Variants in C12orf42 observed in about 807,000 individuals in gnomAD.
The protein encoded by C12orf42 is uncharacterized protein C12orf42.
A neutral mutation model predicts 21.6 loss-of-function variants in C12orf42; 25 were observed. The observed-to-expected ratio is 1.16, with a 90% CI of 0.84 to 1.62. The LOEUF is 1.62. Ranked by LOEUF, C12orf42 falls within the 40% of genes most tolerant of loss-of-function variation. The pLI, the probability that C12orf42 is intolerant of heterozygous loss-of-function variation, is 0.00. For synonymous variants in C12orf42, 174 were observed against 175.0 expected, an observed-to-expected ratio of 0.99 and a Z score of 0.05; for missense variants, 483 against 459.3, an observed-to-expected ratio of 1.05 and a Z score of -0.47.
rs367620314 is a variant in C12orf42, at chr12:103,349,838, T to C, written c.259+19049A>G. 3.9e-5 allele frequency among the ~76,000 whole-genome samples: 6 copies of C among 152,306 alleles called. No homozygotes were observed. The South Asian group carries it at 1.2e-3, about 32-fold the overall frequency. ...AACATATCAAGTAAATGTTCTTCTT[T>C]AAAATTTTACTTGAAAATGTCCAAA... On this transcript the variant is annotated intron_variant, in intron 4 of 5. Coordinates refer to ENST00000548883, the MANE Select transcript of C12orf42 (RefSeq NM_198521.5).
At chr12:103,399,658 CTGA>C (rs2047829152) in intron 3 of C12orf42, among the ~76,000 whole-genome samples, 1 of 102,262 alleles carries the variant, frequency 9.8e-6, no homozygotes, top group South Asian at 3.9e-4. Flanking sequence ...AATTATTTAT[CTGA>C]ATTATTTATC....
chr12:103,161,360 C>G, the C12orf42 span: 11 of 141,166 alleles, frequency 7.8e-5, no homozygotes, highest in South Asian at 2.5e-3. Context: ...GTGCCTAGCA[C>G]TAGTTCTGCA....
the C12orf42 span, chr12:103,155,137 C>T: frequency 2.0e-5 from 3 of 152,160 alleles, no homozygotes; most frequent in Admixed American, 6.6e-5. Flanking sequence ...ACTCATGGCC[C>T]CTTTCTTAGT....
chr12:103,229,133 G>T, the C12orf42 span, among the ~76,000 whole-genome samples: 2 of 151,922 alleles, frequency 1.3e-5, no homozygotes, highest in Non-Finnish European at 2.9e-5. Flanking sequence ...TTTCTCACTG[G>T]GATCAAAGTG....
chr12:103,225,957 G>A, the C12orf42 span, among the ~76,000 whole-genome samples: 66 of 152,316 alleles, frequency 4.3e-4, no homozygotes, highest in Admixed American at 7.8e-4. Context: ...CCGCTAAGCC[G>A]AGAAGATCTG....
chr12:103,250,314 C>G (rs1459493858), intron 10 of C12orf42, among the ~76,000 whole-genome samples: 1 of 152,032 alleles, frequency 6.6e-6, no homozygotes, highest in South Asian at 2.1e-4. Context: ...ATGTTGGCTC[C>G]TTTCCTATGT....
chr12:103,488,533 T>C (rs1565904305), intron 1 of C12orf42, among the ~76,000 whole-genome samples: 2 of 152,222 alleles, frequency 1.3e-5, no homozygotes, highest in Non-Finnish European at 2.9e-5. Flanking sequence ...CTGAACAATA[T>C]CCTGAAGAGT....
At chr12:103,320,266 C>T (rs2039956428) in intron 4 of C12orf42, among the ~76,000 whole-genome samples, 1 of 152,160 alleles carries the variant, frequency 6.6e-6, no homozygotes, top group Admixed American at 6.5e-5. Flanking sequence ...TTAGAATAAT[C>T]AGGCAACCCA....
chr12:103,118,054 T>C, the C12orf42 span, among the ~76,000 whole-genome samples: 1 of 152,084 alleles, frequency 6.6e-6, no homozygotes, highest in Non-Finnish European at 1.5e-5. Context: ...AGAGGAGGGG[T>C]ATGAATTTAT....
chr12:103,393,748 A>C (rs990513568), intron 3 of C12orf42, among the ~76,000 whole-genome samples: 1 of 152,210 alleles, frequency 6.6e-6, no homozygotes, highest in Non-Finnish European at 1.5e-5. Flanking sequence ...TTATTGAATG[A>C]ATGAAACACC....
chr12:103,562,487 T>C, the C12orf42 span, among the ~76,000 whole-genome samples: 1 of 152,142 alleles, frequency 6.6e-6, no homozygotes, highest in Non-Finnish European at 1.5e-5. Context: ...TGCAGAGAAG[T>C]CATGCAATTT....
chr12:103,116,471 G>C, the C12orf42 span, among the ~76,000 whole-genome samples: 4 of 151,248 alleles, frequency 2.6e-5, no homozygotes, highest in Non-Finnish European at 5.9e-5. Flanking sequence ...GTGTGTCATA[G>C]AGATTCCTGG....
chr12:103,422,690 C>T (rs959311378), intron 2 of C12orf42, among the ~76,000 whole-genome samples: 5 of 151,922 alleles, frequency 3.3e-5, no homozygotes, highest in African/African-American at 9.7e-5. Context: ...GGAAATAAAA[C>T]GGAATATTTT....
the C12orf42 span, among the ~76,000 whole-genome samples, chr12:103,524,134 C>T: frequency 6.6e-6 from 1 of 152,158 alleles, no homozygotes; most frequent in East Asian, 1.9e-4. Flanking sequence ...CTTTTCACAG[C>T]CCCTAAGATG....
chr12:103,117,082 T>A, the C12orf42 span, among the ~76,000 whole-genome samples: 2 of 152,204 alleles, frequency 1.3e-5, no homozygotes, highest in Admixed American at 1.3e-4. Flanking sequence ...AACTACAAAA[T>A]ATATTATTGT....
the C12orf42 span, among the ~76,000 whole-genome samples, chr12:103,168,942 T>C: frequency 6.6e-6 from 1 of 151,916 alleles, no homozygotes; most frequent in Non-Finnish European, 1.5e-5. Context: ...TTCTCACTCA[T>C]AAGTGGGAGT....
intron 2 of C12orf42, among the ~76,000 whole-genome samples, chr12:103,433,497 T>C (rs1001775892): frequency 2.6e-5 from 4 of 152,180 alleles, no homozygotes; most frequent in Non-Finnish European, 4.4e-5. Flanking sequence ...ATCTCTAAAG[T>C]ACAATTTCCT....
intron 4 of C12orf42, among the ~76,000 whole-genome samples, chr12:103,313,325 T>C (rs923569598): frequency 2.0e-5 from 3 of 152,266 alleles, no homozygotes; most frequent in Admixed American, 6.5e-5. Context: ...TAATGAAGGC[T>C]GCCATCTCCT....
chr12:103,408,962 G>A (rs1354225097), intron 2 of C12orf42, among the ~76,000 whole-genome samples: 1 of 152,090 alleles, frequency 6.6e-6, no homozygotes. Flanking sequence ...GATTAACATA[G>A]TAAATTCTTT....
Sources: allele counts gnomAD v4.1 joint callset (sites outside exome capture counted in the v4.1 genomes callset), GRCh38; gene constraint gnomAD v4.1.1; transcripts MANE v1.5; gene names NCBI Gene and HGNC (gene_info 2026-07-23, HGNC 2026-07-21).